Variants in CCDC93 observed in about 807,000 individuals in gnomAD.
CCDC93 encodes coiled-coil domain-containing protein 93.
In CCDC93, 61 loss-of-function variants were observed where a neutral mutation model predicts 108.2. The ratio of observed to expected loss-of-function variants is 0.56; its 90% CI spans 0.46 to 0.70. The LOEUF (loss-of-function observed/expected upper bound fraction) is 0.70, where lower values mean the gene tolerates loss of function less well. Among genes scored for constraint, CCDC93 ranks in the 30% least tolerant of loss-of-function variants. CCDC93 has a pLI of 0.00. For missense variants in CCDC93, 685 were observed against 764.2 expected (o/e 0.90, Z 1.22); for synonymous variants, 276 against 260.4 (o/e 1.06, Z -0.58).
At chr2:117,938,705 T>C (rs538676090) in intron 20 of CCDC93, among the ~76,000 whole-genome samples, 1 of 152,282 alleles carries the variant, frequency 6.6e-6, no homozygotes, top group East Asian at 1.9e-4. Flanking sequence ...ACCACCCCCA[T>C]TTCATTCAGC....
chr2:117,983,434 C>G (rs1680210210), intron 7 of CCDC93, among the ~76,000 whole-genome samples: 1 of 151,984 alleles, frequency 6.6e-6, no homozygotes, highest in African/African-American at 2.4e-5. Flanking sequence ...CTTCAGAGGG[C>G]CAAGGGGAAG....
At chr2:117,954,953 T>C (rs989686156) in intron 12 of CCDC93, among the ~76,000 whole-genome samples, 2 of 152,194 alleles carry the variant, frequency 1.3e-5, no homozygotes, top group Non-Finnish European at 2.9e-5. Flanking sequence ...CCTTCCGCCA[T>C]GATTCTAAAT....
chr2:117,925,878 C>G (rs1356148324), intron 23 of CCDC93, among the ~76,000 whole-genome samples: 1 of 152,186 alleles, frequency 6.6e-6, no homozygotes, highest in Non-Finnish European at 1.5e-5. Context: ...GTAAAGCACT[C>G]CTCAGCAAAT....
At position 117,986,115 on chromosome 2, in the gene CCDC93, C is replaced by T. The variant is rs548740540; in HGVS notation, c.520-46G>A. The T allele has an allele frequency of 6.1e-5, 72 of 1,171,262 alleles. No individual in the cohort carries two copies. The African/African-American group carries it at 9.4e-4, about 15-fold the overall frequency. 72.6% of individuals were successfully genotyped at this position (1,171,262 alleles called of 1,614,324 possible). A position where few individuals can be genotyped will look rare whatever the true frequency, so the allele number is the denominator to read the frequency against. ...AGTTACTGAGTGTGAGAAGGCTCTC[C>T]TCCTGAATTGGCTGCTGGATGCCTC... On this transcript the variant is annotated intron_variant, in intron 6 of 23. Coordinates refer to ENST00000376300, the MANE Select transcript of CCDC93 (RefSeq NM_019044.5).
intron 23 of CCDC93, chr2:117,930,572 TCATTGC>T (rs1199886014): frequency 4.6e-5 from 7 of 153,184 alleles, no homozygotes; most frequent in Admixed American, 3.9e-4. Context: ...AGGGATTAGG[TCATTGC>T]CAAAAAACAC....
At chr2:117,926,488 C>T (rs1046785018) in intron 23 of CCDC93, among the ~76,000 whole-genome samples, 1 of 152,166 alleles carries the variant, frequency 6.6e-6, no homozygotes, top group Non-Finnish European at 1.5e-5. Flanking sequence ...ATACTATAAA[C>T]ACCTCTACGC....
At position 117,939,392 on chromosome 2, in the gene CCDC93, C is replaced by T. The variant is rs144292278; in HGVS notation, c.1523-281G>A. On this transcript the variant is annotated intron_variant, in intron 19 of 23. Coordinates refer to ENST00000376300, the MANE Select transcript of CCDC93 (RefSeq NM_019044.5). ...AACCAGCCACCCTTACCTCATCCAG[C>T]CAAAGAACTGGGTGGGGGTTGTAGA... Among the ~76,000 whole-genome samples the T allele has an allele frequency of 3.4e-3, 518 of 152,246 alleles. 2 individuals carry two copies. The highest frequency in any genetic ancestry group is 0.012 in the African/African-American group (490 of 41,548).
chr2:117,956,042 G>A (rs1325712031), intron 12 of CCDC93, among the ~76,000 whole-genome samples: 1 of 152,186 alleles, frequency 6.6e-6, no homozygotes, highest in African/African-American at 2.4e-5. Context: ...AAAGGAAAAT[G>A]TGTTTAGTAT....
At chr2:117,980,361 CT>C (rs927314430) in intron 7 of CCDC93, among the ~76,000 whole-genome samples, 1 of 152,214 alleles carries the variant, frequency 6.6e-6, no homozygotes, top group Non-Finnish European at 1.5e-5. Context: ...TTCATCTTTC[CT>C]TTTTTATGCC....
intron 23 of CCDC93, among the ~76,000 whole-genome samples, chr2:117,927,654 G>A (rs1008582541): frequency 6.6e-6 from 1 of 152,172 alleles, no homozygotes; most frequent in Admixed American, 6.5e-5. Flanking sequence ...TGGGTAGGAA[G>A]AATCAATATC....
intron 16 of CCDC93, among the ~76,000 whole-genome samples, chr2:117,946,417 T>C (rs1008955302): frequency 1.3e-5 from 2 of 152,230 alleles, no homozygotes; most frequent in Non-Finnish European, 2.9e-5. Context: ...TTCTTCATGT[T>C]TGTTGCTGCC....
intron 22 of CCDC93, among the ~76,000 whole-genome samples, chr2:117,933,397 CTCCT>C (rs1678409943): frequency 6.6e-6 from 1 of 152,162 alleles, no homozygotes; most frequent in Non-Finnish European, 1.5e-5. Flanking sequence ...TTGTTATTCC[CTCCT>C]TATCACCTCT....
chr2:117,984,661 G>A lies in CCDC93; in HGVS notation c.620+1308C>T, dbSNP rs1269692478. Among the ~76,000 whole-genome samples, 4 of 152,154 alleles carry A rather than the reference G, an allele frequency of 2.6e-5. No individual in the cohort carries two copies. In the East Asian group the frequency reaches 7.7e-4, roughly 29 times the overall value. On this transcript the variant is annotated intron_variant, in intron 7 of 23. Transcript: ENST00000376300. ...TTTCCATGATGATGGAAAAATGGAT[G>A]CATAAATAATACAAACTCACAAAAT... is the stretch of plus-strand genomic sequence containing the variant.
chr2:117,930,948 A>G, intron 23 of CCDC93, 89 bp downstream of exon 23: 1 of 796,022 alleles, frequency 1.3e-6, no homozygotes, highest in East Asian at 2.5e-5. Context: ...CCAGAGGAAA[A>G]CCAAAAAACT....
At chr2:117,955,414 A>AT (rs397701027) in intron 12 of CCDC93, among the ~76,000 whole-genome samples, 19 of 151,628 alleles carry the variant, frequency 1.3e-4, no homozygotes, top group African/African-American at 4.6e-4. Flanking sequence ...AGGTAGAAGT[A>AT]AATTGATAAA....
At chr2:117,956,084 ACTCTGAGCAAGTCT>A (rs1291686901) in intron 12 of CCDC93, among the ~76,000 whole-genome samples, 1 of 152,132 alleles carries the variant, frequency 6.6e-6, no homozygotes, top group African/African-American at 2.4e-5. Flanking sequence ...TGGAACACAG[ACTCTGAGCAAGTCT>A]CTCCCTTCCC....
rs1293914543 is a variant in CCDC93, at chr2:117,916,622, C to T, written c.*3721G>A. 1 of 152,100 alleles carries T rather than the reference C, an allele frequency of 6.6e-6. No homozygotes were observed. The highest frequency in any genetic ancestry group is 1.5e-5 in the Non-Finnish European group (1 of 68,016). 9.4% of individuals were successfully genotyped at this position (152,100 alleles called of 1,614,324 possible). On this transcript the variant is annotated 3_prime_UTR_variant, in exon 24 of 24. Transcript: ENST00000376300. ...CTGGGGAGAGTGTGGTAAGACAAGCCCTTACTTTTGTTGCGCAGGGCCACT... is the reference window on the plus strand; with the variant it reads ...CTGGGGAGAGTGTGGTAAGACAAGCTCTTACTTTTGTTGCGCAGGGCCACT...
Position 117,990,201 on chromosome 2 carries a change from G to A in CCDC93, c.520-4132C>T, listed in dbSNP as rs535662378. 1.9e-4 allele frequency among the ~76,000 whole-genome samples: 29 copies of A among 152,326 alleles called. 1 individual carries two copies. Among genetic ancestry groups the A allele is most frequent in the African/African-American group, 6.3e-4 (26 of 41,590 alleles). On this transcript the variant is annotated intron_variant, in intron 6 of 23. Transcript: ENST00000376300. ...CTGACATCTCAGAGGAGGAAGCTGT[G>A]TCACAGCACAGTACATGAGACAGAG...
At position 118,000,838 on chromosome 2, in the gene CCDC93, T is replaced by C. The variant is rs747367448; in HGVS notation, c.346A>G (p.Ile116Val). Reference sequence around the variant, plus strand: ...GCTCTCACCTGAACAACAGGAAATATGTGAATAAAATCCATCCCCTGGATC... The same window carrying C: ...GCTCTCACCTGAACAACAGGAAATACGTGAATAAAATCCATCCCCTGGATC... ...HQIQGMDFIHIFPVVQWLVKR... is the reference protein window; with the variant it reads ...HQIQGMDFIHVFPVVQWLVKR... The change falls in exon 4 of 24, where the codon ATA (isoleucine) becomes GTA (valine). Residue 116 changes from isoleucine to valine, a missense_variant. Transcript: ENST00000376300. 7 of 1,611,362 alleles carry C rather than the reference T, an allele frequency of 4.3e-6. No homozygotes were observed. In the African/African-American group the frequency reaches 5.3e-5, roughly 12 times the overall value.
Sources: gnomAD v4.1 joint callset for allele counts (sites outside exome capture counted in the v4.1 genomes callset) on GRCh38, gnomAD v4.1.1 for gene constraint, MANE v1.5 for transcripts, NCBI Gene and HGNC (gene_info 2026-07-23, HGNC 2026-07-21) for gene names.